ODAD2: variants seen among roughly 807,000 people sequenced by gnomAD.
ODAD2 encodes outer dynein arm-docking complex subunit 2.
Under a neutral mutation model 106.8 loss-of-function variants are expected in ODAD2, and 89 were observed. The observed-to-expected ratio is 0.83, with a 90% CI of 0.70 to 0.99. The LOEUF (loss-of-function observed/expected upper bound fraction) is 0.99, where lower values mean the gene tolerates loss of function less well. ODAD2 is among the 50% of genes least tolerant of loss of function. The pLI, the probability that ODAD2 is intolerant of heterozygous loss-of-function variation, is 0.00. For synonymous variants in ODAD2, 404 were observed against 436.2 expected (o/e 0.93, Z 0.92); for missense variants, 1,168 against 1,238.5 (o/e 0.94, Z 0.85).
At chr10:27,924,033 AAAGAAAGAAG>A in intron 16 of ODAD2, among the ~76,000 whole-genome samples, 12 of 147,588 alleles carry the variant, frequency 8.1e-5, no homozygotes, top group African/African-American at 2.9e-4. Context: ...AAGGAAAGAG[AAAGAAAGAAG>A]GAAAGAGAAA....
chr10:27,908,438 T>A (rs75357022), intron 16 of ODAD2, among the ~76,000 whole-genome samples: 2 of 152,216 alleles, frequency 1.3e-5, no homozygotes, highest in African/African-American at 4.8e-5. Context: ...ATCTGTCTTC[T>A]GTTTATATAT....
intron 17 of ODAD2, among the ~76,000 whole-genome samples, chr10:27,868,383 T>C (rs1211800417): frequency 6.6e-6 from 1 of 152,198 alleles, no homozygotes; most frequent in African/African-American, 2.4e-5. Flanking sequence ...TGCACACATA[T>C]GTTTATCGCA....
In ODAD2 at chr10:27,985,126, T is replaced by C. The variant is rs780220531; in HGVS notation, c.468A>G (p.Lys156=). ...ENSIALNILG[K]ITRDDDPESE... ...TTTCAGGATCATCATCTCTGGTAAT[T>C]TTGCCAAGAATATTTAATGCAATTG... is the stretch of plus-strand genomic sequence containing the variant. Residue 156 remains lysine (K), a synonymous_variant, in exon 4 of 20, where the codon AAA becomes AAG. Transcript: ENST00000305242. 15 of 1,600,314 alleles carry C rather than the reference T, an allele frequency of 9.4e-6. No homozygotes were observed. The highest frequency in any genetic ancestry group is 8.5e-5 in the Admixed American group (5 of 59,028).
intron 9 of ODAD2, among the ~76,000 whole-genome samples, chr10:27,966,473 CT>C (rs938362015): frequency 9.2e-5 from 14 of 151,710 alleles, no homozygotes; most frequent in East Asian, 3.9e-4. Context: ...GAAAAGCTGT[CT>C]TTTTTTTTCC....
At chr10:27,916,491 G>T (rs1248100960) in intron 16 of ODAD2, among the ~76,000 whole-genome samples, 1 of 149,518 alleles carries the variant, frequency 6.7e-6, no homozygotes, top group Non-Finnish European at 1.5e-5. Flanking sequence ...GAATAACATG[G>T]GTTTGAGCTG....
At chr10:27,994,697 T>G (rs1169219763) in intron 2 of ODAD2, among the ~76,000 whole-genome samples, 1 of 152,118 alleles carries the variant, frequency 6.6e-6, no homozygotes, top group Non-Finnish European at 1.5e-5. Flanking sequence ...CCACAAAAAT[T>G]AAAATTTTGT....
intron 17 of ODAD2, among the ~76,000 whole-genome samples, chr10:27,888,197 C>G (rs1341641875): frequency 6.6e-6 from 1 of 152,076 alleles, no homozygotes; most frequent in African/African-American, 2.4e-5. Flanking sequence ...ATTGCCAGAT[C>G]AAATGGTAGT....
chr10:27,994,700 A>C (rs1037073497), intron 2 of ODAD2, among the ~76,000 whole-genome samples: 1 of 152,160 alleles, frequency 6.6e-6, no homozygotes, highest in Non-Finnish European at 1.5e-5. Context: ...CAAAAATTAA[A>C]ATTTTGTTTA....
intron 10 of ODAD2, chr10:27,959,077 C>T (rs1214297149): frequency 1.4e-5 from 17 of 1,184,536 alleles, no homozygotes; most frequent in Admixed American, 2.6e-5. Flanking sequence ...AGGCTCATGC[C>T]TGTAATCCCA....
chr10:27,911,863 A>G (rs1408895355), intron 16 of ODAD2, among the ~76,000 whole-genome samples: 2 of 151,816 alleles, frequency 1.3e-5, no homozygotes, highest in Non-Finnish European at 2.9e-5. Flanking sequence ...TTCCCACCAC[A>G]CTCCCAGCAG....
chr10:27,971,416 C>A, intron 7 of ODAD2, 103 bp from the exon 8 acceptor site: 1 of 1,003,490 alleles, frequency 1.0e-6, no homozygotes, highest in Non-Finnish European at 1.4e-6. Context: ...GTCTCGGATG[C>A]ATTTAACTTG....
intron 17 of ODAD2, among the ~76,000 whole-genome samples, chr10:27,864,176 T>C (rs867684651): frequency 6.6e-6 from 1 of 151,110 alleles, no homozygotes; most frequent in Non-Finnish European, 1.5e-5. Context: ...GGAGAGAAGA[T>C]TGTGGATTTG....
At chr10:27,850,188 T>C (rs551434243) in intron 19 of ODAD2, among the ~76,000 whole-genome samples, 1 of 152,268 alleles carries the variant, frequency 6.6e-6, no homozygotes, top group South Asian at 2.1e-4. Context: ...CTCACACCTG[T>C]AATCTCAACA....
chr10:27,833,464 C>G (rs974037935), intron 19 of ODAD2, among the ~76,000 whole-genome samples: 14 of 152,136 alleles, frequency 9.2e-5, no homozygotes, highest in African/African-American at 3.4e-4. Flanking sequence ...AGGAACTCAG[C>G]CCCTCCCTGT....
At chr10:27,813,106 T>C (rs1835868154) in intron 19 of ODAD2, among the ~76,000 whole-genome samples, 3 of 152,162 alleles carry the variant, frequency 2.0e-5, no homozygotes, top group African/African-American at 4.8e-5. Context: ...CCTTGAAGGG[T>C]TTGTGCACTC....
In ODAD2 at chr10:27,993,371, C is replaced by T. The variant is rs140095690; in HGVS notation, c.224+1548G>A. ...CCATTAGAAAAATAAGATTTCAGGC[C>T]GGGCGTGGTGGTTCACACCTGTAAT... On this transcript the variant is annotated intron_variant, in intron 2 of 19. Transcript: ENST00000305242. 2.6e-5 allele frequency among the ~76,000 whole-genome samples: 4 copies of T among 152,094 alleles called. No individual in the cohort carries two copies. The East Asian group carries it at 5.8e-4, about 22-fold the overall frequency.
At chr10:27,944,989 G>A (rs1846782635) in intron 10 of ODAD2, 27 bp from the exon 11 acceptor site, 2 of 1,612,670 alleles carry the variant, frequency 1.2e-6, no homozygotes, top group East Asian at 4.5e-5. Flanking sequence ...CCAGAGAAAG[G>A]TTAAGGAACA....
chr10:27,907,631 C>A (rs776237848), intron 17 of ODAD2, 32 bp downstream of exon 17: 2 of 1,483,796 alleles, frequency 1.3e-6, no homozygotes, highest in Non-Finnish European at 1.9e-6. Context: ...ATTAGAGATT[C>A]TAGAAGAGAC....
At position 27,969,634 on chromosome 10, in the gene ODAD2, T is replaced by C. The variant is rs930478402; in HGVS notation, c.1143-616A>G. 6.6e-5 allele frequency among the ~76,000 whole-genome samples: 10 copies of C among 152,330 alleles called. No homozygotes were observed. The East Asian group carries it at 1.4e-3, about 21-fold the overall frequency. On this transcript the variant is annotated intron_variant, in intron 8 of 19. Coordinates refer to ENST00000305242, the MANE Select transcript of ODAD2 (RefSeq NM_018076.5). ...GGAGCCAGTGTCTCCCCTCTCCACA[T>C]GACTCCGTTCTTCAAACAGCTCTCT... is the stretch of plus-strand genomic sequence containing the variant.
Sources: allele counts gnomAD v4.1 joint callset (sites outside exome capture counted in the v4.1 genomes callset), GRCh38; gene constraint gnomAD v4.1.1; transcripts MANE v1.5; gene names NCBI Gene and HGNC (gene_info 2026-07-23, HGNC 2026-07-21).